C10orf143: variants seen among roughly 807,000 people sequenced by gnomAD.
The protein encoded by C10orf143 is uncharacterized protein C10orf143.
At chr10:130,091,023 C>T (rs1861373042) in intron 1 of C10orf143, among the ~76,000 whole-genome samples, 1 of 152,212 alleles carries the variant, frequency 6.6e-6, no homozygotes, top group African/African-American at 2.4e-5. Flanking sequence ...TGCCTACCAG[C>T]TCTGAAGAGA....
intron 3 of C10orf143, among the ~76,000 whole-genome samples, chr10:130,044,021 G>A (rs1294047871): frequency 6.6e-6 from 1 of 151,368 alleles, no homozygotes; most frequent in Non-Finnish European, 1.5e-5. Flanking sequence ...GAGAGAGAAA[G>A]AGAGAGAGGG....
At chr10:130,080,817 A>G (rs1861195304) in intron 1 of C10orf143, among the ~76,000 whole-genome samples, 1 of 152,234 alleles carries the variant, frequency 6.6e-6, no homozygotes, top group Non-Finnish European at 1.5e-5. Context: ...CATCTACACA[A>G]TATAGAAACC....
rs1177251233 is a variant in C10orf143, at chr10:130,110,815, G to A, written c.-43C>T. The A allele has an allele frequency of 5.0e-6, 2 of 398,748 alleles. No individual in the cohort carries two copies. Among genetic ancestry groups the A allele is most frequent in the African/African-American group, 2.1e-5 (1 of 48,640 alleles). The allele number at this position is 398,748 out of a possible 1,614,324, so 24.7% of individuals were successfully genotyped here. On this transcript the variant is annotated 5_prime_UTR_variant, in exon 1 of 4. Coordinates refer to ENST00000637128, the MANE Select transcript of C10orf143 (RefSeq NM_001355042.2). Reference sequence around the variant, plus strand: ...CCCTCCCGGCATCTCAGGCCTGGCCGAGGCCCGCGCACCACGCCCCCTTCC... The same window carrying A: ...CCCTCCCGGCATCTCAGGCCTGGCCAAGGCCCGCGCACCACGCCCCCTTCC...
chr10:130,106,109 G>A, intron 1 of C10orf143: 1 of 657,486 alleles, frequency 1.5e-6, no homozygotes, highest in South Asian at 1.4e-5. Flanking sequence ...GCCACGCAGG[G>A]TTGTGGCAGC....
chr10:130,099,515 T>C (rs1395790704), intron 1 of C10orf143, among the ~76,000 whole-genome samples: 1 of 3,338 alleles, frequency 3.0e-4, no homozygotes, highest in African/African-American at 4.5e-4. Context: ...TTTATTTTTA[T>C]TTATTTATTT....
chr10:130,108,339 C>G (rs1246031451), intron 1 of C10orf143: 7 of 1,447,134 alleles, frequency 4.8e-6, no homozygotes, highest in African/African-American at 1.4e-5. Context: ...CCCCCAAGAC[C>G]TGGATTTTTC....
intron 1 of C10orf143, among the ~76,000 whole-genome samples, chr10:130,080,351 T>C (rs1861186389): frequency 6.6e-6 from 1 of 152,226 alleles, no homozygotes; most frequent in Non-Finnish European, 1.5e-5. Flanking sequence ...AAATTAATTT[T>C]ATTTACAAAG....
In C10orf143 at chr10:130,043,016, G is replaced by A. The variant is rs571262833; in HGVS notation, c.298-7046C>T. On this transcript the variant is annotated intron_variant and NMD_transcript_variant, in intron 3 of 5. Coordinates refer to the C10orf143 transcript ENST00000643056. ...AAACTCGGAGACAGTGCGGAAGCAA[G>A]CCTGCAAAACGCTGATGCTCACTGC... 2.0e-5 allele frequency among the ~76,000 whole-genome samples: 3 copies of A among 152,350 alleles called. No homozygotes were observed. In the East Asian group the frequency reaches 5.8e-4, roughly 29 times the overall value.
At chr10:130,071,345 C>T (rs1861030256) in intron 3 of C10orf143, among the ~76,000 whole-genome samples, 1 of 152,170 alleles carries the variant, frequency 6.6e-6, no homozygotes, top group Admixed American at 6.5e-5. Context: ...ACAGTTATAG[C>T]ACCATTTTTA....
At chr10:130,100,951 C>T (rs1045900353) in intron 1 of C10orf143, 5 of 152,130 alleles carry the variant, frequency 3.3e-5, no homozygotes, top group African/African-American at 9.7e-5. Flanking sequence ...GGCATGGTGG[C>T]TTACATCTAT....
rs574237186 is a variant in C10orf143 at position 130,106,741 on chromosome 10, G to C, written c.69+3963C>G. ...AGCTTTTGCAAGAAGCTGAAGTATG[G>C]AACGAACAAGTGAATGAACTTAATA... On this transcript the variant is annotated intron_variant, in intron 1 of 3. Transcript: ENST00000637128. 9.1e-5 allele frequency: 114 copies of C among 1,253,016 alleles called. 1 individual carries two copies. The highest frequency in any genetic ancestry group is 5.5e-4 in the Admixed American group (32 of 58,714). The allele number at this position is 1,253,016 out of a possible 1,614,324, so 77.6% of individuals were successfully genotyped here.
intron 1 of C10orf143, chr10:130,107,237 TTAACAG>T (rs780328622): frequency 1.6e-6 from 2 of 1,287,258 alleles, no homozygotes; most frequent in Non-Finnish European, 2.3e-6. Context: ...CTACAGGAAA[TTAACAG>T]TAGAGGAAAA....
intron 3 of C10orf143, chr10:130,064,921 A>T (rs987589856): frequency 1.3e-5 from 2 of 152,266 alleles, no homozygotes; most frequent in African/African-American, 4.8e-5. Flanking sequence ...TTGGCCAGAC[A>T]CTGTACCACT....
chr10:130,040,355 A>G (rs1860592264), intron 3 of C10orf143, among the ~76,000 whole-genome samples: 1 of 152,176 alleles, frequency 6.6e-6, no homozygotes, highest in South Asian at 2.1e-4. Context: ...CAAGCGTGGT[A>G]TGAGTTCTGG....
At chr10:130,107,953 A>G (rs758823725) in intron 1 of C10orf143, 3 of 1,493,760 alleles carry the variant, frequency 2.0e-6, no homozygotes, top group Non-Finnish European at 9.3e-7. Flanking sequence ...CTGGACCAGC[A>G]GAACTCAGAA....
chr10:130,071,803 C>T (rs953507225), intron 3 of C10orf143, among the ~76,000 whole-genome samples: 1 of 152,020 alleles, frequency 6.6e-6, no homozygotes, highest in African/African-American at 2.4e-5. Flanking sequence ...TTTTTATTTG[C>T]AGTAGAGATG....
chr10:130,071,128 A>T, intron 3 of C10orf143, among the ~76,000 whole-genome samples: 1 of 152,186 alleles, frequency 6.6e-6, no homozygotes, highest in Non-Finnish European at 1.5e-5. Context: ...CATATTGGCC[A>T]GGCTGGTCTC....
Position 130,110,806 on chromosome 10 carries a change from G to C in C10orf143, c.-34C>G. The C allele has an allele frequency of 2.5e-6, 1 of 398,928 alleles. No homozygotes were observed. The allele number at this position is 398,928 out of a possible 1,614,324, so 24.7% of individuals were successfully genotyped here. The stretch of plus-strand genomic sequence containing the variant: ...AGGGTCAAACCCTCCCGGCATCTCA[G>C]GCCTGGCCGAGGCCCGCGCACCACG... On this transcript the variant is annotated 5_prime_UTR_variant, in exon 1 of 4. Transcript: ENST00000637128.
At chr10:130,059,500 A>G (rs1217616763), downstream of C10orf143, among the ~76,000 whole-genome samples, 1 of 152,232 alleles carries the variant, frequency 6.6e-6, no homozygotes, top group Non-Finnish European at 1.5e-5. Context: ...GCCAGTAAGC[A>G]TCTCCAAAAA....
Sources: allele counts gnomAD v4.1 joint callset (sites outside exome capture counted in the v4.1 genomes callset), GRCh38; gene constraint gnomAD v4.1.1; transcripts MANE v1.5; gene names NCBI Gene and HGNC (gene_info 2026-07-23, HGNC 2026-07-21).